The following SYK variants were observed in gnomAD, a reference collection of about 807,000 sequenced individuals.
SYK encodes the protein tyrosine-protein kinase SYK.
A neutral mutation model predicts 77.8 loss-of-function variants in SYK; 16 were observed. The ratio of observed to expected loss-of-function variants is 0.21; its 90% CI spans 0.14 to 0.31. The LOEUF is 0.31. Ranked by LOEUF, SYK falls within the 10% of genes least tolerant of loss-of-function variation. SYK has a pLI of 1.00. For synonymous variants in SYK, 312 were observed against 308.7 expected, an observed-to-expected ratio of 1.01 and a Z score of -0.11; for missense variants, 529 against 814.4, an observed-to-expected ratio of 0.65 and a Z score of 4.26.
chr9:90,853,502 A>C (rs148629801), intron 3 of SYK, among the ~76,000 whole-genome samples: 3,822 of 152,252 alleles, frequency 0.025, 165 homozygotes, highest in East Asian at 0.22. Context: ...CTGGATTAAG[A>C]AAATGTGGCA....
chr9:90,812,840 G>A (rs1000470807), intron 1 of SYK, among the ~76,000 whole-genome samples: 13 of 151,274 alleles, frequency 8.6e-5, no homozygotes, highest in Admixed American at 4.0e-4. Flanking sequence ...TCCTTTCCAC[G>A]GGAACTTATA....
At chr9:90,860,862 G>GA (rs1827229284) in intron 3 of SYK, among the ~76,000 whole-genome samples, 1 of 152,060 alleles carries the variant, frequency 6.6e-6, no homozygotes, top group South Asian at 2.1e-4. Context: ...TTGCAACCAG[G>GA]AGGAGGCATC....
chr9:90,886,757 A>G (rs376665057), intron 11 of SYK, among the ~76,000 whole-genome samples: 9 of 152,280 alleles, frequency 5.9e-5, no homozygotes, highest in Admixed American at 3.9e-4. Context: ...TTACCATATG[A>G]TCCAGCAAGT....
intron 1 of SYK, among the ~76,000 whole-genome samples, chr9:90,809,423 A>T (rs1301599443): frequency 6.6e-6 from 1 of 152,212 alleles, no homozygotes; most frequent in East Asian, 1.9e-4. Context: ...AATAAGGCGT[A>T]AAAGAGGATC....
At chr9:90,884,883 A>G (rs1375509957) in intron 11 of SYK, among the ~76,000 whole-genome samples, 11 of 57,468 alleles carry the variant, frequency 1.9e-4, no homozygotes, top group South Asian at 1.2e-3. Context: ...ACATATATAC[A>G]TATATATACA....
chr9:90,858,716 C>A (rs1403335389), intron 3 of SYK, among the ~76,000 whole-genome samples: 6 of 152,244 alleles, frequency 3.9e-5, no homozygotes, highest in African/African-American at 1.2e-4. Context: ...CCAACAGATA[C>A]CTCACAGTTG....
chr9:90,828,832 G>A (rs969713851), intron 1 of SYK, among the ~76,000 whole-genome samples: 2 of 152,112 alleles, frequency 1.3e-5, no homozygotes, highest in African/African-American at 4.8e-5. Flanking sequence ...ACAGCACGGT[G>A]ACTTGACTGT....
chr9:90,876,666 T>A (rs1014190490), intron 9 of SYK, among the ~76,000 whole-genome samples: 1 of 152,192 alleles, frequency 6.6e-6, no homozygotes, highest in Non-Finnish European at 1.5e-5. Flanking sequence ...ACTAGAGAAT[T>A]TGGGGAGAGG....
chr9:90,865,883 C>T (rs1384016574), intron 6 of SYK, among the ~76,000 whole-genome samples: 1 of 127,690 alleles, frequency 7.8e-6, no homozygotes, highest in Non-Finnish European at 1.6e-5. Flanking sequence ...CTTGGGGCTA[C>T]ATATGGCCTT....
intron 11 of SYK, among the ~76,000 whole-genome samples, chr9:90,882,158 A>G (rs992817900): frequency 3.3e-5 from 5 of 152,236 alleles, no homozygotes; most frequent in African/African-American, 1.2e-4. Flanking sequence ...CCTAAATTTC[A>G]TTGCATTTAA....
rs1828937518 is a variant in SYK, at chr9:90,895,169, C to A, written c.1836-359C>A. 6.6e-6 allele frequency among the ~76,000 whole-genome samples: 1 copy of A among 152,214 alleles called. No homozygotes were observed. Among genetic ancestry groups the A allele is most frequent in the Non-Finnish European group, 1.5e-5 (1 of 68,046 alleles). On this transcript the variant is annotated intron_variant, in intron 13 of 13. Transcript: ENST00000375754. The surrounding 1 kb of genome is among the most constrained non-coding windows in gnomAD (Gnocchi z 4.4). ...TTTTGCTAAAATCACAGAGTGACAG[C>A]CTCTTCGTGTTGCCTGTGGCACAGA...
rs920056231 is a variant in SYK, at chr9:90,820,966, G to A, written c.-42+19073G>A. Among the ~76,000 whole-genome samples the A allele has an allele frequency of 1.9e-4, 29 of 151,012 alleles. No homozygotes were observed. In the East Asian group the frequency reaches 2.1e-3, roughly 11 times the overall value. ...CTTCTGCCAGATACCCTAAATCATC[G>A]CTCTCAAGTTCAAAGTTTCACAGAT... On this transcript the variant is annotated intron_variant, in intron 1 of 13. Coordinates refer to ENST00000375754, the MANE Select transcript of SYK (RefSeq NM_003177.7).
intron 11 of SYK, among the ~76,000 whole-genome samples, chr9:90,883,628 A>T (rs1321792171): frequency 2.6e-5 from 4 of 152,082 alleles, no homozygotes. Flanking sequence ...AGCTGAATGC[A>T]CCACCAGGGA....
At chr9:90,838,480 G>T (rs1277302526) in intron 1 of SYK, among the ~76,000 whole-genome samples, 1 of 152,204 alleles carries the variant, frequency 6.6e-6, no homozygotes, top group Non-Finnish European at 1.5e-5. Flanking sequence ...ACAACTAAGT[G>T]CACATTTAAC....
At position 90,806,859 on chromosome 9, in the gene SYK, C is replaced by T. The variant is rs567682058; in HGVS notation, c.-42+4966C>T. On this transcript the variant is annotated intron_variant, in intron 1 of 13. Coordinates refer to ENST00000375754, the MANE Select transcript of SYK (RefSeq NM_003177.7). ...GTCAATGTCACTTTTGTATTATATA[C>T]GACACCAACATTTTATTATCTGAGT... 1.2e-3 allele frequency among the ~76,000 whole-genome samples: 180 copies of T among 152,164 alleles called. 1 individual carries two copies. The highest frequency in any genetic ancestry group is 3.7e-3 in the African/African-American group (154 of 41,496).
chr9:90,882,530 A>G (rs566045570), intron 11 of SYK, among the ~76,000 whole-genome samples: 22 of 152,330 alleles, frequency 1.4e-4, no homozygotes, highest in Non-Finnish European at 1.0e-4. Context: ...GGGTTTTGCT[A>G]TGCAGTTTTG....
chr9:90,820,851 C>T (rs1218262436), intron 1 of SYK, among the ~76,000 whole-genome samples: 6 of 150,134 alleles, frequency 4.0e-5, no homozygotes, highest in South Asian at 4.2e-4. Flanking sequence ...ATTTTCCAAA[C>T]TTTTATGCTC....
In SYK at chr9:90,895,972, A is replaced by G. The variant is rs1828966930; in HGVS notation, c.*372A>G. 1 of 274,112 alleles carries G rather than the reference A, an allele frequency of 3.6e-6. No homozygotes were observed. The highest frequency in any genetic ancestry group is 2.1e-5 in the African/African-American group (1 of 47,480). The allele number at this position is 274,112 out of a possible 1,614,324, so 17.0% of individuals were successfully genotyped here. On this transcript the variant is annotated 3_prime_UTR_variant, in exon 14 of 14. Coordinates refer to ENST00000375754, the MANE Select transcript of SYK (RefSeq NM_003177.7). This position sits in a 1 kb window ranked among gnomAD's most constrained non-coding sequence, Gnocchi z 4.4. ...GCCCAGGGACATTGCAGAGTGGCCT[A>G]GAGCACTCTCACCCCAAGCGGCCTT...
chr9:90,819,595 A>G (rs969967976), intron 1 of SYK, among the ~76,000 whole-genome samples: 21 of 152,206 alleles, frequency 1.4e-4, no homozygotes, highest in African/African-American at 5.1e-4. Context: ...CACTATTACA[A>G]GAATAGCATG....
Sources: allele counts gnomAD v4.1 joint callset (sites outside exome capture counted in the v4.1 genomes callset), GRCh38; gene constraint gnomAD v4.1.1; non-coding constraint Gnocchi (gnomAD v3.1); transcripts MANE v1.5; gene names NCBI Gene and HGNC (gene_info 2026-07-23, HGNC 2026-07-21).